The following LSMEM2 variants were observed in gnomAD, a reference collection of about 807,000 sequenced individuals.
LSMEM2 encodes leucine rich single-pass membrane protein 2.
In LSMEM2, 20 loss-of-function variants were observed where a neutral mutation model predicts 17.3. The observed-to-expected ratio is 1.16, with a 90% CI of 0.81 to 1.68. The LOEUF is 1.68. LSMEM2 is among the 40% of genes most tolerant of loss of function. The pLI is 0.00. For synonymous variants in LSMEM2, 94 were observed against 97.8 expected, an observed-to-expected ratio of 0.96 and a Z score of 0.23; for missense variants, 207 against 214.3, an observed-to-expected ratio of 0.97 and a Z score of 0.21.
At position 50,282,443 on chromosome 3, in the gene LSMEM2, A is replaced by T. The variant is rs142078457; in HGVS notation, c.58+3272A>T. On this transcript the variant is annotated intron_variant, in intron 1 of 3. Coordinates refer to ENST00000316436, the MANE Select transcript of LSMEM2 (RefSeq NM_153215.3). ...TTACTGTCCTGAGAATGACAGTCCC[A>T]GAGTGCAAGGCCACCCTTGCTCCTA... is the stretch of plus-strand genomic sequence containing the variant. Among the ~76,000 whole-genome samples, 55 of 152,356 alleles carry T rather than the reference A, an allele frequency of 3.6e-4. 1 individual carries two copies. The highest frequency in any genetic ancestry group is 8.4e-4 in the African/African-American group (35 of 41,576).
At position 50,286,534 on chromosome 3, in the gene LSMEM2, A is replaced by G. The variant is rs377507742; in HGVS notation, c.122A>G (p.His41Arg). ...GGGCCATTGGCCCCCAACCACGTGC[A>G]TGAGGTATGCCTGCACCAGGTGGAG... ...SRGPLAPNHV[H>R]EVCLHQVESI... Residue 41 changes from histidine to arginine, a missense_variant, in exon 2 of 4, where the codon CAT becomes CGT. His to Arg is a conservative substitution (Grantham distance 29). Coordinates refer to ENST00000316436, the MANE Select transcript of LSMEM2 (RefSeq NM_153215.3). 5 of 1,612,348 alleles carry G rather than the reference A, an allele frequency of 3.1e-6. No homozygotes were observed. In the African/African-American group the frequency reaches 6.7e-5, roughly 22 times the overall value.
At position 50,287,361 on chromosome 3, in the gene LSMEM2, C is replaced by A. The variant is rs1701575266; in HGVS notation, c.*159C>A. 2 of 960,492 alleles carry A rather than the reference C, an allele frequency of 2.1e-6. No individual in the cohort carries two copies. The highest frequency in any genetic ancestry group is 3.1e-6 in the Non-Finnish European group (2 of 648,370). The allele number at this position is 960,492 out of a possible 1,614,324, so 59.5% of individuals were successfully genotyped here. On this transcript the variant is annotated 3_prime_UTR_variant, in exon 4 of 4. Coordinates refer to ENST00000316436, the MANE Select transcript of LSMEM2 (RefSeq NM_153215.3). ...TGTTGTTAACTTAATGGCTGCCTCCCTCTCCTGATCTCTTCAAGCCAGGCC... is the reference window on the plus strand; with the variant it reads ...TGTTGTTAACTTAATGGCTGCCTCCATCTCCTGATCTCTTCAAGCCAGGCC...
intron 1 of LSMEM2, among the ~76,000 whole-genome samples, chr3:50,285,879 G>T (rs1701508253): frequency 6.6e-6 from 1 of 152,034 alleles, no homozygotes; most frequent in African/African-American, 2.4e-5. Flanking sequence ...AAACAACCTA[G>T]ATGCCCAGGC....
chr3:50,287,422 T>C lies in LSMEM2; in HGVS notation c.*220T>C, dbSNP rs1701576631. 5 of 645,722 alleles carry C rather than the reference T, an allele frequency of 7.7e-6. No individual in the cohort carries two copies. In the Admixed American group the frequency reaches 1.5e-4, roughly 19 times the overall value. 40.0% of individuals were successfully genotyped at this position (645,722 alleles called of 1,614,324 possible). ...TCTGGTGCCAAAGCCTCGCTTTGGG[T>C]GGCCCAAGGTCAGGGGAAGGGGCAC... On this transcript the variant is annotated 3_prime_UTR_variant, in exon 4 of 4. Coordinates refer to ENST00000316436, the MANE Select transcript of LSMEM2 (RefSeq NM_153215.3).
chr3:50,282,218 G>A (rs186959584), intron 1 of LSMEM2, among the ~76,000 whole-genome samples: 2 of 151,380 alleles, frequency 1.3e-5, no homozygotes, highest in African/African-American at 4.9e-5. Flanking sequence ...CAAACTCTTA[G>A]ACTCAAATGA....
In LSMEM2 at chr3:50,282,190, C is replaced by T. The variant is rs587673636; in HGVS notation, c.58+3019C>T. 5.9e-5 allele frequency among the ~76,000 whole-genome samples: 9 copies of T among 151,950 alleles called. No homozygotes were observed. In the South Asian group the frequency reaches 8.3e-4, roughly 14 times the overall value. On this transcript the variant is annotated intron_variant, in intron 1 of 3. Coordinates refer to ENST00000316436, the MANE Select transcript of LSMEM2 (RefSeq NM_153215.3). ...TTTTTGTAGAGATGGGGTCTCCCTACGTTGCCCTGGCTGGTTTCAAACTCT... is the reference window on the plus strand; with the variant it reads ...TTTTTGTAGAGATGGGGTCTCCCTATGTTGCCCTGGCTGGTTTCAAACTCT...
chr3:50,286,953 T>C (rs1701561163), intron 3 of LSMEM2, 91 bp downstream of exon 3: 1 of 1,583,740 alleles, frequency 6.3e-7, no homozygotes, highest in Non-Finnish European at 8.6e-7. Flanking sequence ...TAACTGCAGA[T>C]GCTGCAGCAG....
At chr3:50,279,239 C>A in intron 1 of LSMEM2, 68 bp downstream of exon 1, 2 of 1,437,672 alleles carry the variant, frequency 1.4e-6, no homozygotes, top group Non-Finnish European at 2.0e-6. Context: ...ATGGAGAGAC[C>A]CACCCTCTGT....
upstream of LSMEM2, chr3:50,279,035 G>A: frequency 6.7e-7 from 1 of 1,495,458 alleles, no homozygotes; most frequent in Non-Finnish European, 9.3e-7. Context: ...GCCTATTTTA[G>A]GCCAAGGCTG....
chr3:50,285,856 G>A (rs1701507351), intron 1 of LSMEM2, among the ~76,000 whole-genome samples: 1 of 152,180 alleles, frequency 6.6e-6, no homozygotes, highest in South Asian at 2.1e-4. Flanking sequence ...AAAAAAAGGG[G>A]GGCGGGGACT....
chr3:50,284,606 GC>G (rs1287530192), intron 1 of LSMEM2, among the ~76,000 whole-genome samples: 3 of 152,144 alleles, frequency 2.0e-5, no homozygotes, highest in Non-Finnish European at 4.4e-5. Flanking sequence ...GGTAGTGCAT[GC>G]CTGTAGTCCC....
rs147290285 is a variant in LSMEM2, at chr3:50,286,457, C to T, written c.59-14C>T. 163 of 1,583,770 alleles carry T rather than the reference C, an allele frequency of 1.0e-4. No individual in the cohort carries two copies. Among genetic ancestry groups the T allele is most frequent in the Non-Finnish European group, 1.3e-4 (153 of 1,166,428 alleles). On this transcript the variant is annotated splice_polypyrimidine_tract_variant and intron_variant, in intron 1 of 3. Transcript: ENST00000316436. Reference sequence around the variant, plus strand: ...ACCCACCACTGGCTAAATCAGCCTGCGCTGCCCCTGCAGACTCCGTGGCGC... The same window carrying T: ...ACCCACCACTGGCTAAATCAGCCTGTGCTGCCCCTGCAGACTCCGTGGCGC...
At chr3:50,279,949 C>G (rs1701354987) in intron 1 of LSMEM2, among the ~76,000 whole-genome samples, 1 of 151,664 alleles carries the variant, frequency 6.6e-6, no homozygotes, top group Non-Finnish European at 1.5e-5. Flanking sequence ...GATCTCGGCT[C>G]ACTGCAACCT....
At chr3:50,281,118 C>T (rs1300889941) in intron 1 of LSMEM2, among the ~76,000 whole-genome samples, 5 of 151,068 alleles carry the variant, frequency 3.3e-5, no homozygotes, top group Admixed American at 2.6e-4. Context: ...TGCAGTGGCA[C>T]GATCTTGGCT....
upstream of LSMEM2, chr3:50,278,877 G>A (rs1701330475): frequency 1.8e-6 from 1 of 554,544 alleles, no homozygotes; most frequent in Non-Finnish European, 3.3e-6. Flanking sequence ...CCCCTTGAAG[G>A]TCCCTGGGCA....
chr3:50,286,650 C>A, intron 2 of LSMEM2, 24 bp from the exon 3 acceptor site: 1 of 1,611,350 alleles, frequency 6.2e-7, no homozygotes, highest in Non-Finnish European at 8.5e-7. Flanking sequence ...CACCCACCAC[C>A]CTCCCAATGT....
At chr3:50,281,670 ATTTTTTT>A (rs144025924) in intron 1 of LSMEM2, among the ~76,000 whole-genome samples, 26 of 95,496 alleles carry the variant, frequency 2.7e-4, no homozygotes, top group Admixed American at 4.7e-4. Flanking sequence ...GCAGCAGGGA[ATTTTTTT>A]TTTTTTTTTT....
At chr3:50,280,380 C>G (rs587655528) in intron 1 of LSMEM2, among the ~76,000 whole-genome samples, 6 of 152,192 alleles carry the variant, frequency 3.9e-5, no homozygotes, top group African/African-American at 1.4e-4. Context: ...GTCTCAAACT[C>G]CTGACCTCAG....
rs587757025 is a variant in LSMEM2 at position 50,280,718 on chromosome 3, T to C, written c.58+1547T>C. Reference sequence around the variant, plus strand: ...ACGCCATTCTCCTGCCTCAGCCTCCTGAGTAGCTGGGACTACAGGAGCCCG... The same window carrying C: ...ACGCCATTCTCCTGCCTCAGCCTCCCGAGTAGCTGGGACTACAGGAGCCCG... On this transcript the variant is annotated intron_variant, in intron 1 of 3. Transcript: ENST00000316436. Among the ~76,000 whole-genome samples, 863 of 150,776 alleles carry C rather than the reference T, an allele frequency of 5.7e-3. 7 individuals are homozygous for C. The highest frequency in any genetic ancestry group is 0.02 in the African/African-American group (814 of 41,072).
Sources: gnomAD v4.1 joint callset for allele counts (sites outside exome capture counted in the v4.1 genomes callset) on GRCh38, gnomAD v4.1.1 for gene constraint, MANE v1.5 for transcripts, NCBI Gene and HGNC (gene_info 2026-07-23, HGNC 2026-07-21) for gene names.